LRRC7: variants seen among roughly 807,000 people sequenced by gnomAD.
The protein encoded by LRRC7 is leucine-rich repeat-containing protein 7.
LRRC7 carries 23 observed loss-of-function variants against 175.7 expected under a neutral mutation model. That is an observed-to-expected ratio of 0.13 (90% CI 0.09 to 0.19). LRRC7 has a LOEUF of 0.19. Among genes scored for constraint, LRRC7 ranks in the 10% least tolerant of loss-of-function variants. LRRC7 has a pLI of 1.00. For missense variants in LRRC7, 1,354 were observed against 1,904.7 expected (o/e 0.71, Z 5.38); for synonymous variants, 685 against 680.9 (o/e 1.01, Z -0.09).
chr1:69,952,914 T>A (rs1254843313), intron 8 of LRRC7, among the ~76,000 whole-genome samples: 1 of 149,002 alleles, frequency 6.7e-6, no homozygotes, highest in Non-Finnish European at 1.5e-5. Context: ...TGCCAGGCAT[T>A]GCACTACATT....
intron 11 of LRRC7, among the ~76,000 whole-genome samples, chr1:70,004,172 G>C (rs1176994192): frequency 6.6e-6 from 1 of 152,148 alleles, no homozygotes; most frequent in Admixed American, 6.5e-5. Context: ...TGTTTCTAAT[G>C]AATGCGTTTT....
chr1:70,092,659 C>T (rs1017657472), intron 25 of LRRC7, among the ~76,000 whole-genome samples: 1 of 152,182 alleles, frequency 6.6e-6, no homozygotes, highest in Non-Finnish European at 1.5e-5. Flanking sequence ...AAGACTGAAA[C>T]AGTCATCTCA....
At chr1:70,052,945 T>C (rs1427878932) in intron 22 of LRRC7, 81 bp from the exon 23 acceptor site, 28 of 1,375,240 alleles carry the variant, frequency 2.0e-5, no homozygotes, top group Non-Finnish European at 2.4e-5. Flanking sequence ...AATTTTACCA[T>C]GATCATTAGG....
rs1387660088 is a variant in LRRC7 at position 69,717,922 on chromosome 1, A to AG, written c.100+39444_100+39445insG. ...GGGAAGGAGGGAGAGAAAGAGAGAA[A>AG]AAAAGAAAAGAAAGAAAGAAAGAAA... is the stretch of plus-strand genomic sequence containing the variant. On this transcript the variant is annotated intron_variant, in intron 2 of 26. Coordinates refer to ENST00000651989, the MANE Select transcript of LRRC7 (RefSeq NM_001370785.2). 2.9e-3 allele frequency among the ~76,000 whole-genome samples: 73 copies of AG among 25,530 alleles called. 4 individuals are homozygous for AG. Among genetic ancestry groups the AG allele is most frequent in the African/African-American group, 9.5e-3 (34 of 3,590 alleles). 16.7% of individuals were successfully genotyped at this position (25,530 alleles called of 152,430 possible).
intron 1 of LRRC7, among the ~76,000 whole-genome samples, chr1:69,666,820 G>C (rs1658338401): frequency 6.6e-6 from 1 of 151,726 alleles, no homozygotes; most frequent in South Asian, 2.1e-4. Flanking sequence ...ATTTTAGTCT[G>C]ATTTTTATTA....
chr1:70,100,523 A>G (rs1664734988), intron 25 of LRRC7, among the ~76,000 whole-genome samples: 1 of 152,178 alleles, frequency 6.6e-6, no homozygotes, highest in Non-Finnish European at 1.5e-5. Flanking sequence ...TGTTGCTCCA[A>G]TGCATTATTA....
chr1:69,593,116 A>C (rs1028785217), intron 1 of LRRC7, among the ~76,000 whole-genome samples: 2 of 152,132 alleles, frequency 1.3e-5, no homozygotes, highest in African/African-American at 2.4e-5. Context: ...TCAGAGAATC[A>C]GTTCCAGAGA....
At chr1:69,866,588 G>A (rs1321740012) in intron 7 of LRRC7, among the ~76,000 whole-genome samples, 3 of 152,012 alleles carry the variant, frequency 2.0e-5, no homozygotes, top group Non-Finnish European at 2.9e-5. Flanking sequence ...CTAAATAAGA[G>A]GATATTTACA....
intron 7 of LRRC7, among the ~76,000 whole-genome samples, chr1:69,856,479 A>G (rs1299619964): frequency 2.6e-5 from 4 of 152,212 alleles, no homozygotes; most frequent in Non-Finnish European, 5.9e-5. Flanking sequence ...AGAATACTAT[A>G]AACACCTCTA....
intron 1 of LRRC7, among the ~76,000 whole-genome samples, chr1:69,597,195 T>C (rs146234891): frequency 2.0e-3 from 304 of 152,268 alleles, no homozygotes; most frequent in Non-Finnish European, 2.6e-3. Context: ...ATTTTAAACA[T>C]AGTTTCAGTG....
At chr1:70,012,904 A>C in intron 12 of LRRC7, 70 bp from the exon 13 acceptor site, 1 of 751,054 alleles carries the variant, frequency 1.3e-6, no homozygotes, top group Non-Finnish European at 2.0e-6. Flanking sequence ...TGTTTTAAAA[A>C]TTAGAAAAAT....
At chr1:69,659,428 A>C (rs1657113520) in intron 1 of LRRC7, among the ~76,000 whole-genome samples, 1 of 151,872 alleles carries the variant, frequency 6.6e-6, no homozygotes, top group African/African-American at 2.4e-5. Flanking sequence ...TCCAAAAAAT[A>C]AAACCAGTAA....
At chr1:69,614,014 TATC>T (rs1245523688) in intron 1 of LRRC7, among the ~76,000 whole-genome samples, 1 of 149,958 alleles carries the variant, frequency 6.7e-6, no homozygotes, top group African/African-American at 2.5e-5. Context: ...TTGTGATAAT[TATC>T]ATTCATAAAG....
At chr1:70,027,909 A>G (rs1418371268) in intron 17 of LRRC7, among the ~76,000 whole-genome samples, 1 of 152,194 alleles carries the variant, frequency 6.6e-6, no homozygotes, top group Non-Finnish European at 1.5e-5. Context: ...ACCTACTGCT[A>G]TTTCAGCCAT....
chr1:70,122,483 T>C lies in LRRC7; in HGVS notation c.*596T>C, dbSNP rs1666263497. 6.6e-6 allele frequency: 1 copy of C among 152,142 alleles called. No homozygotes were observed. The highest frequency in any genetic ancestry group is 6.6e-5 in the Admixed American group (1 of 15,264). 9.4% of individuals were successfully genotyped at this position (152,142 alleles called of 1,614,324 possible). ...CATGATAATGCCTTATGAAAGTAACTGTACATATGGTATAAAGTGTTTATA... is the reference window on the plus strand; with the variant it reads ...CATGATAATGCCTTATGAAAGTAACCGTACATATGGTATAAAGTGTTTATA... On this transcript the variant is annotated 3_prime_UTR_variant, in exon 27 of 27. Transcript: ENST00000651989.
chr1:69,921,980 C>T (rs151125440), intron 7 of LRRC7, among the ~76,000 whole-genome samples: 12 of 152,268 alleles, frequency 7.9e-5, no homozygotes, highest in East Asian at 1.9e-4. Flanking sequence ...GGCTGGGGTG[C>T]GATGGCACTA....
chr1:69,745,134 A>G (rs1033053968), intron 2 of LRRC7, among the ~76,000 whole-genome samples: 9 of 151,950 alleles, frequency 5.9e-5, no homozygotes, highest in African/African-American at 2.2e-4. Flanking sequence ...ATCTTGTTCA[A>G]GATATGAGAA....
At chr1:69,660,217 A>C (rs1197148694) in intron 1 of LRRC7, among the ~76,000 whole-genome samples, 1 of 152,124 alleles carries the variant, frequency 6.6e-6, no homozygotes, top group East Asian at 1.9e-4. Context: ...CAATCACTAC[A>C]TAATGATAAA....
In LRRC7 at chr1:70,128,623, T is replaced by C. The variant is rs1386883465; in HGVS notation, c.*6736T>C. ...CATTTGGAGACATTTCATTGAAGAA[T>C]ATAACAAAAACATTAAATATTATGA... On this transcript the variant is annotated 3_prime_UTR_variant, in exon 27 of 27. Coordinates refer to ENST00000651989, the MANE Select transcript of LRRC7 (RefSeq NM_001370785.2). 6.6e-6 allele frequency: 1 copy of C among 152,136 alleles called. No individual in the cohort carries two copies. The highest frequency in any genetic ancestry group is 1.5e-5 in the Non-Finnish European group (1 of 68,030). The allele number at this position is 152,136 out of a possible 1,614,324, so 9.4% of individuals were successfully genotyped here.
Sources: allele counts gnomAD v4.1 joint callset (sites outside exome capture counted in the v4.1 genomes callset), GRCh38; gene constraint gnomAD v4.1.1; transcripts MANE v1.5; gene names NCBI Gene and HGNC (gene_info 2026-07-23, HGNC 2026-07-21).